The following ABCA13 variants were observed in gnomAD, a reference collection of about 807,000 sequenced individuals.
ABCA13 encodes the protein ATP-binding cassette sub-family A member 13.
In ABCA13, 476 loss-of-function variants were observed where a neutral mutation model predicts 478.7. The observed-to-expected ratio is 0.99, with a 90% CI of 0.92 to 1.07. The LOEUF is 1.07. ABCA13 is among the 50% of genes least tolerant of loss of function. The pLI is 0.00. For synonymous variants in ABCA13, 2,252 were observed against 2,158.9 expected (o/e 1.04, Z -1.20); for missense variants, 6,060 against 5,910.6 (o/e 1.03, Z -0.83).
In ABCA13 at chr7:48,335,420, A is replaced by G. The variant is rs774315383; in HGVS notation, c.10000-2A>G. 4.4e-6 allele frequency: 7 copies of G among 1,586,690 alleles called. No homozygotes were observed. Among genetic ancestry groups the G allele is most frequent in the Non-Finnish European group, 6.0e-6 (7 of 1,160,498 alleles). ...CATATCCAAATATGCTTCATTTTGC[A>G]GGCTAATTACACCTTTTATATTGTG... On this transcript the variant is annotated splice_acceptor_variant, in intron 27 of 61. Coordinates refer to ENST00000435803, the MANE Select transcript of ABCA13 (RefSeq NM_152701.5). LOFTEE classifies it high-confidence loss of function.
At chr7:48,370,955 A>G (rs1225605902) in intron 32 of ABCA13, among the ~76,000 whole-genome samples, 1 of 152,218 alleles carries the variant, frequency 6.6e-6, no homozygotes, top group South Asian at 2.1e-4. Flanking sequence ...TAAGTTTTAT[A>G]TAAGGTTTAA....
rs193122255 is a variant in ABCA13, at chr7:48,179,968, G to A, written c.69+8416G>A. Among the ~76,000 whole-genome samples, 60 of 152,242 alleles carry A rather than the reference G, an allele frequency of 3.9e-4. No individual in the cohort carries two copies. The East Asian group carries it at 0.011, about 28-fold the overall frequency. On this transcript the variant is annotated intron_variant, in intron 1 of 61. Coordinates refer to ENST00000435803, the MANE Select transcript of ABCA13 (RefSeq NM_152701.5). ...ACAGCTACAGAAAATGAGCCAGGAA[G>A]GGTGGGTAACTCGCACAGGCCCATT...
At chr7:48,473,482 A>C (rs1252264046) in intron 45 of ABCA13, among the ~76,000 whole-genome samples, 1 of 152,214 alleles carries the variant, frequency 6.6e-6, no homozygotes, top group African/African-American at 2.4e-5. Flanking sequence ...TTGTTAGAAA[A>C]TAAATGCCGC....
chr7:48,327,453 C>T (rs1187788340), intron 27 of ABCA13, among the ~76,000 whole-genome samples: 1 of 152,118 alleles, frequency 6.6e-6, no homozygotes, highest in Non-Finnish European at 1.5e-5. Flanking sequence ...ATGGGAAGTA[C>T]AATTCAAGAT....
At chr7:48,543,654 T>C (rs1004059222) in intron 55 of ABCA13, among the ~76,000 whole-genome samples, 2 of 151,178 alleles carry the variant, frequency 1.3e-5, no homozygotes, top group Non-Finnish European at 3.0e-5. Flanking sequence ...AAATAAAAAA[T>C]AGGCATAAGA....
chr7:48,375,335 C>G (rs908683033), intron 34 of ABCA13, among the ~76,000 whole-genome samples: 6 of 152,076 alleles, frequency 3.9e-5, no homozygotes, highest in Admixed American at 3.3e-4. Flanking sequence ...CCCATGTTTT[C>G]TAGTTCTTCC....
intron 39 of ABCA13, among the ~76,000 whole-genome samples, chr7:48,405,168 C>A (rs879676534): frequency 6.6e-6 from 1 of 152,228 alleles, no homozygotes; most frequent in Admixed American, 6.5e-5. Flanking sequence ...GTAGGGGACC[C>A]CTTGGAGCTA....
rs902689111 is a variant in ABCA13 at position 48,363,935 on chromosome 7, A to G, written c.10689-3859A>G. Among the ~76,000 whole-genome samples the G allele has an allele frequency of 2.6e-5, 4 of 152,280 alleles. No individual in the cohort carries two copies. In the East Asian group the frequency reaches 5.8e-4, roughly 22 times the overall value. The stretch of plus-strand genomic sequence containing the variant: ...GTATGTTCACTATTATCATCTGTTC[A>G]ATGAGACCAACTTTTTCGCATGGGT... On this transcript the variant is annotated intron_variant, in intron 31 of 61. Transcript: ENST00000435803.
intron 59 of ABCA13, chr7:48,626,662 G>T (rs1793695957): frequency 3.0e-6 from 3 of 985,340 alleles, no homozygotes; most frequent in South Asian, 4.7e-5. Flanking sequence ...AGGCAGCATG[G>T]GTGCAGGAGA....
Position 48,260,928 on chromosome 7 carries a change from C to T in ABCA13, c.2006-8052C>T, listed in dbSNP as rs1056259061. Among the ~76,000 whole-genome samples the T allele has an allele frequency of 2.0e-5, 3 of 151,772 alleles. No individual in the cohort carries two copies. In the South Asian group the frequency reaches 6.2e-4, roughly 31 times the overall value. ...ATACTCTTGTTTTAGAGAAGCATAT[C>T]TTCCAGCAACTTTTTCAGGGAACAC... On this transcript the variant is annotated intron_variant, in intron 15 of 61. Transcript: ENST00000435803.
At chr7:48,618,268 G>T (rs1382975178) in intron 59 of ABCA13, among the ~76,000 whole-genome samples, 2 of 152,164 alleles carry the variant, frequency 1.3e-5, no homozygotes, top group Non-Finnish European at 2.9e-5. Flanking sequence ...GCTCATTTGA[G>T]TTGCTTTCTT....
At chr7:48,475,623 GC>G (rs1298491318) in intron 45 of ABCA13, among the ~76,000 whole-genome samples, 3 of 151,818 alleles carry the variant, frequency 2.0e-5, no homozygotes, top group Non-Finnish European at 4.4e-5. Context: ...GCGCCACTGT[GC>G]CCGGCTAATT....
At chr7:48,559,727 A>G (rs1055904905) in intron 55 of ABCA13, among the ~76,000 whole-genome samples, 3 of 152,148 alleles carry the variant, frequency 2.0e-5, no homozygotes, top group African/African-American at 7.2e-5. Flanking sequence ...TCAGGACTCA[A>G]AAGTTCTTTC....
intron 35 of ABCA13, among the ~76,000 whole-genome samples, chr7:48,385,950 A>G (rs1815115333): frequency 6.6e-6 from 1 of 152,162 alleles, no homozygotes; most frequent in African/African-American, 2.4e-5. Context: ...AGCCCCATGT[A>G]TGTCTTCTTT....
rs375203573 is a variant in ABCA13 at position 48,351,618 on chromosome 7, G to T, written c.10382-563G>T. Among the ~76,000 whole-genome samples the T allele has an allele frequency of 7.2e-5, 11 of 152,172 alleles. No homozygotes were observed. The East Asian group carries it at 1.2e-3, about 16-fold the overall frequency. The stretch of plus-strand genomic sequence containing the variant: ...AGACACCTTCATATTGAGTTAGGGC[G>T]CACCCTAATGGCCCTCATTTTAACT... On this transcript the variant is annotated intron_variant, in intron 30 of 61. Coordinates refer to ENST00000435803, the MANE Select transcript of ABCA13 (RefSeq NM_152701.5).
chr7:48,392,566 AC>A (rs1816229778), intron 38 of ABCA13, among the ~76,000 whole-genome samples: 1 of 152,142 alleles, frequency 6.6e-6, no homozygotes, highest in Admixed American at 6.5e-5. Flanking sequence ...TTCCTGTCAC[AC>A]ACACACACAA....
Position 48,335,502 on chromosome 7 carries a change from A to G in ABCA13, c.10080A>G (p.Arg3360=), listed in dbSNP as rs747557534. The G allele has an allele frequency of 3.1e-6, 5 of 1,613,670 alleles. No homozygotes were observed. The South Asian group carries it at 5.5e-5, about 18-fold the overall frequency. Residue 3360 remains arginine (R), a synonymous_variant, in exon 28 of 62, where the codon AGA becomes AGG. Coordinates refer to ENST00000435803, the MANE Select transcript of ABCA13 (RefSeq NM_152701.5). ...TGGAAATGTCCAGCCTTTTCCAGAG[A>G]AGTGGAAGTGGCCAGATGTTCAACC... ...TLLEMSSLFQ[R]SGSGQMFNQL...
At chr7:48,213,972 T>G (rs1786064636) in intron 3 of ABCA13, among the ~76,000 whole-genome samples, 1 of 152,224 alleles carries the variant, frequency 6.6e-6, no homozygotes, top group Non-Finnish European at 1.5e-5. Flanking sequence ...TCCACTGAAG[T>G]CTGGAACCCA....
chr7:48,174,419 A>T (rs896171259), intron 1 of ABCA13, among the ~76,000 whole-genome samples: 4 of 152,130 alleles, frequency 2.6e-5, no homozygotes, highest in Admixed American at 1.3e-4. Flanking sequence ...TTTACTTTTA[A>T]AAAATCTTTC....
Sources: allele counts gnomAD v4.1 joint callset (sites outside exome capture counted in the v4.1 genomes callset), GRCh38; gene constraint gnomAD v4.1.1; transcripts MANE v1.5; gene names NCBI Gene and HGNC (gene_info 2026-07-23, HGNC 2026-07-21).